The following ERBB4 variants were observed in gnomAD, a reference collection of about 807,000 sequenced individuals.
ERBB4 encodes receptor tyrosine-protein kinase erbB-4.
ERBB4 carries 42 observed loss-of-function variants against 158.0 expected under a neutral mutation model. The ratio of observed to expected loss-of-function variants is 0.27; its 90% CI spans 0.21 to 0.34. The LOEUF is 0.34. ERBB4 is among the 10% of genes least tolerant of loss of function. The pLI is 1.00. For synonymous variants in ERBB4, 583 were observed against 558.7 expected, an observed-to-expected ratio of 1.04 and a Z score of -0.61; for missense variants, 1,333 against 1,624.1, an observed-to-expected ratio of 0.82 and a Z score of 3.08.
intron 5 of ERBB4, among the ~76,000 whole-genome samples, chr2:211,749,141 A>T (rs2075056131): frequency 6.6e-6 from 1 of 152,146 alleles, no homozygotes; most frequent in Non-Finnish European, 1.5e-5. Flanking sequence ...CTAATGAACT[A>T]CTTCGTCCAA....
At chr2:212,221,981 C>T (rs879936040) in intron 1 of ERBB4, among the ~76,000 whole-genome samples, 7 of 151,546 alleles carry the variant, frequency 4.6e-5, no homozygotes, top group Admixed American at 6.6e-5. Flanking sequence ...CTACAGTATC[C>T]GTATGCACAG....
intron 2 of ERBB4, among the ~76,000 whole-genome samples, chr2:212,050,817 T>C (rs1054509236): frequency 6.6e-6 from 1 of 152,206 alleles, no homozygotes; most frequent in African/African-American, 2.4e-5. Context: ...GAATACTTGT[T>C]TTTTTGTTGC....
At chr2:212,334,195 A>G (rs2088320380) in intron 1 of ERBB4, among the ~76,000 whole-genome samples, 1 of 151,780 alleles carries the variant, frequency 6.6e-6, no homozygotes, top group Non-Finnish European at 1.5e-5. Flanking sequence ...ATCACTCTTA[A>G]TTCCTCTCTC....
chr2:211,601,794 C>T lies in ERBB4; in HGVS notation c.2301+17383G>A, dbSNP rs147556739. Among the ~76,000 whole-genome samples the T allele has an allele frequency of 1.6e-3, 229 of 147,694 alleles. No individual in the cohort carries two copies. In the East Asian group the frequency reaches 0.024, roughly 15 times the overall value. On this transcript the variant is annotated intron_variant, in intron 19 of 27. Transcript: ENST00000342788. Reference sequence around the variant, plus strand: ...CAGAAAAACAGGAAAGATGGGAAGACAGGAAAGAAGGGAGGTGGGATGGAG... The same window carrying T: ...CAGAAAAACAGGAAAGATGGGAAGATAGGAAAGAAGGGAGGTGGGATGGAG...
rs550048114 is a variant in ERBB4, at chr2:212,502,977, G to T, written c.82+35472C>A. Reference sequence around the variant, plus strand: ...AGGGTTTTGGCATGTTGCCCAAGCTGGTCTCTAACTCCTGGGCTCATGTGA... The same window carrying T: ...AGGGTTTTGGCATGTTGCCCAAGCTTGTCTCTAACTCCTGGGCTCATGTGA... On this transcript the variant is annotated intron_variant, in intron 1 of 27. Coordinates refer to ENST00000342788, the MANE Select transcript of ERBB4 (RefSeq NM_005235.3). Among the ~76,000 whole-genome samples the T allele has an allele frequency of 2.0e-3, 303 of 152,108 alleles. 1 individual carries two copies. Among genetic ancestry groups the T allele is most frequent in the Middle Eastern group, 6.8e-3 (2 of 294 alleles).
intron 4 of ERBB4, among the ~76,000 whole-genome samples, chr2:211,780,460 G>C (rs2076007058): frequency 6.6e-6 from 1 of 152,202 alleles, no homozygotes; most frequent in South Asian, 2.1e-4. Context: ...AAGGAACTAA[G>C]AGACAAGAAA....
chr2:211,940,872 C>A (rs1194054481), intron 3 of ERBB4, among the ~76,000 whole-genome samples: 2 of 152,142 alleles, frequency 1.3e-5, no homozygotes, highest in Non-Finnish European at 1.5e-5. Context: ...TTCTATAAAT[C>A]CACTCATCAG....
intron 16 of ERBB4, among the ~76,000 whole-genome samples, chr2:211,644,515 C>T (rs912984974): frequency 2.6e-5 from 4 of 151,962 alleles, no homozygotes; most frequent in African/African-American, 9.7e-5. Context: ...GCCAAGACAA[C>T]TTTATACTTT....
rs748501593 is a variant in ERBB4, at chr2:211,657,781, C to T, written c.1919G>A (p.Gly640Asp). The change falls in exon 16 of 28, where the codon GGC becomes GAC. Residue 640 changes from glycine (G) to aspartate (D), a missense_variant. Physicochemically the swap from Gly to Asp is moderately conservative, Grantham distance 94. This residue lies in a region of ERBB4 where 245 missense variants were observed against 247.5 expected (regional missense o/e 0.99). Transcript: ENST00000342788. ...AGCATGTTGTGGTAAAGTGGAATGG[C>T]CCGTCCATGGGTAGTAAATGCAGTC... ...SHDCIYYPWT[G>D]HSTLPQHART... The T allele has an allele frequency of 7.4e-6, 12 of 1,613,930 alleles. No individual in the cohort carries two copies. Among genetic ancestry groups the T allele is most frequent in the South Asian group, 1.1e-5 (1 of 91,078 alleles).
rs1048842966 is a variant in ERBB4, at chr2:211,380,557, G to A, written c.*3058C>T. The stretch of plus-strand genomic sequence containing the variant: ...TGACATTTTAAAATTCTACCCTACT[G>A]GACTAAATAAGTTATTCTCTGGAAG... On this transcript the variant is annotated 3_prime_UTR_variant, in exon 28 of 28. Coordinates refer to ENST00000342788, the MANE Select transcript of ERBB4 (RefSeq NM_005235.3). 2 of 231,886 alleles carry A rather than the reference G, an allele frequency of 8.6e-6. No individual in the cohort carries two copies. The highest frequency in any genetic ancestry group is 1.7e-5 in the Non-Finnish European group (2 of 117,398). 14.4% of individuals were successfully genotyped at this position (231,886 alleles called of 1,614,324 possible).
intron 2 of ERBB4, among the ~76,000 whole-genome samples, chr2:212,096,110 T>G (rs1261002785): frequency 6.6e-6 from 1 of 151,886 alleles, no homozygotes; most frequent in Admixed American, 6.6e-5. Context: ...ATGTCATAGT[T>G]TGAAAAAACT....
At chr2:211,440,332 T>C (rs577298827) in intron 20 of ERBB4, among the ~76,000 whole-genome samples, 1 of 152,262 alleles carries the variant, frequency 6.6e-6, no homozygotes, top group Non-Finnish European at 1.5e-5. Flanking sequence ...AATGGAGATG[T>C]CTGTGGGCTG....
At chr2:212,450,274 G>A (rs1431225591) in intron 1 of ERBB4, among the ~76,000 whole-genome samples, 1 of 152,128 alleles carries the variant, frequency 6.6e-6, no homozygotes, top group Admixed American at 6.6e-5. Flanking sequence ...CTTGTAATAT[G>A]TGACTATATT....
chr2:211,750,785 T>C, intron 4 of ERBB4, 81 bp from the exon 5 acceptor site: 3 of 1,203,342 alleles, frequency 2.5e-6, no homozygotes, highest in Middle Eastern at 1.9e-4. Context: ...TCAAAGGAAA[T>C]ACTCCTGCTC....
chr2:212,374,547 A>G (rs16848479), intron 1 of ERBB4, among the ~76,000 whole-genome samples: 4,586 of 152,036 alleles, frequency 0.03, 218 homozygotes, highest in African/African-American at 0.1. Flanking sequence ...CATTTTCCAC[A>G]TATCATTCAT....
At chr2:211,650,858 C>A (rs913109394) in intron 16 of ERBB4, among the ~76,000 whole-genome samples, 1 of 152,094 alleles carries the variant, frequency 6.6e-6, no homozygotes, top group African/African-American at 2.4e-5. Flanking sequence ...TTCCCTTTTT[C>A]ATACTAGTCT....
intron 1 of ERBB4, among the ~76,000 whole-genome samples, chr2:212,482,250 A>G (rs1689741074): frequency 6.6e-6 from 1 of 152,228 alleles, no homozygotes; most frequent in Non-Finnish European, 1.5e-5. Flanking sequence ...AACTCCCACC[A>G]TGCCGCTGAT....
chr2:212,400,895 T>C (rs1483069842), intron 1 of ERBB4, among the ~76,000 whole-genome samples: 1 of 152,142 alleles, frequency 6.6e-6, no homozygotes, highest in Non-Finnish European at 1.5e-5. Context: ...AGCAAACTCT[T>C]CTCAAAATTA....
intron 1 of ERBB4, among the ~76,000 whole-genome samples, chr2:212,485,313 A>G (rs1342793291): frequency 6.6e-6 from 1 of 152,180 alleles, no homozygotes; most frequent in Non-Finnish European, 1.5e-5. Flanking sequence ...CCTGCTCTGT[A>G]TCACTATGCC....
Sources: allele counts gnomAD v4.1 joint callset (sites outside exome capture counted in the v4.1 genomes callset), GRCh38; gene constraint gnomAD v4.1.1; regional missense constraint gnomAD v4.1.1; transcripts MANE v1.5; gene names NCBI Gene and HGNC (gene_info 2026-07-23, HGNC 2026-07-21).